The following ARHGAP31 variants were observed in gnomAD, a reference collection of about 807,000 sequenced individuals.
ARHGAP31 encodes the protein rho GTPase-activating protein 31.
Under a neutral mutation model 113.9 loss-of-function variants are expected in ARHGAP31, and 34 were observed. That is an observed-to-expected ratio of 0.30 (90% CI 0.23 to 0.40). The LOEUF is 0.40. Ranked by LOEUF, ARHGAP31 falls within the 10% of genes least tolerant of loss-of-function variation. The probability of loss-of-function intolerance (pLI) is 1.00; values close to 1 mark genes in which losing one functional copy is unlikely to be tolerated. For missense variants in ARHGAP31, 1,548 were observed against 1,767.1 expected, an observed-to-expected ratio of 0.88 and a Z score of 2.22; for synonymous variants, 650 against 684.8, an observed-to-expected ratio of 0.95 and a Z score of 0.79.
intron 1 of ARHGAP31, among the ~76,000 whole-genome samples, chr3:119,325,929 G>A (rs1161495299): frequency 1.3e-5 from 2 of 152,162 alleles, no homozygotes; most frequent in African/African-American, 2.4e-5. Flanking sequence ...GGTGGCTCAC[G>A]CCTGTAATCC....
At chr3:119,342,897 C>T (rs1373635310) in intron 1 of ARHGAP31, among the ~76,000 whole-genome samples, 1 of 151,162 alleles carries the variant, frequency 6.6e-6, no homozygotes, top group Non-Finnish European at 1.5e-5. Context: ...TGCAGTGAGC[C>T]GAGATTATAC....
chr3:119,390,821 C>G lies in ARHGAP31; in HGVS notation c.719C>G (p.Ala240Gly). The G allele has an allele frequency of 8.7e-6, 14 of 1,613,318 alleles. No individual in the cohort carries two copies. The highest frequency in any genetic ancestry group is 1.2e-5 in the Non-Finnish European group (14 of 1,180,038). Residue 240 changes from alanine to glycine, a missense_variant, in exon 7 of 12, where the codon GCC (alanine) becomes GGC (glycine). Physicochemically the swap from Ala to Gly is moderately conservative, Grantham distance 60 (BLOSUM62 0). Transcript: ENST00000264245. Reference sequence around the variant, plus strand: ...ATCATGAAGAGCCTGACCTTGCCAGCCCTCTCCCTGCCCATGAAGCTGGTG... The same window carrying G: ...ATCATGAAGAGCCTGACCTTGCCAGGCCTCTCCCTGCCCATGAAGCTGGTG... ...RPIMKSLTLP[A>G]LSLPMKLVSL...
intron 1 of ARHGAP31, among the ~76,000 whole-genome samples, chr3:119,341,522 A>G (rs1347581666): frequency 6.6e-6 from 1 of 152,204 alleles, no homozygotes; most frequent in Non-Finnish European, 1.5e-5. Flanking sequence ...TCAAGGTCAC[A>G]TAGCTTGTAA....
chr3:119,381,985 CAAAAAAAAAAAAAA>C (rs10719267), intron 4 of ARHGAP31, among the ~76,000 whole-genome samples: 1 of 62,100 alleles, frequency 1.6e-5, no homozygotes, highest in Non-Finnish European at 3.3e-5. Context: ...GACTCCGTCT[CAAAAAAAAAAAAAA>C]AAAAAAAAAG....
intron 1 of ARHGAP31, among the ~76,000 whole-genome samples, chr3:119,361,913 T>C (rs1455247398): frequency 6.6e-6 from 1 of 152,226 alleles, no homozygotes; most frequent in African/African-American, 2.4e-5. Context: ...ATTGGGACCA[T>C]GACCTCTTTC....
At chr3:119,413,052 C>T (rs916998836) in intron 11 of ARHGAP31, among the ~76,000 whole-genome samples, 3 of 151,816 alleles carry the variant, frequency 2.0e-5, no homozygotes, top group Admixed American at 1.3e-4. Context: ...CATGGTGGCT[C>T]ACACCTGTTA....
intron 1 of ARHGAP31, among the ~76,000 whole-genome samples, chr3:119,339,710 A>G (rs1180922212): frequency 1.3e-5 from 2 of 151,036 alleles, no homozygotes; most frequent in East Asian, 3.9e-4. Flanking sequence ...TGGAACAACT[A>G]GACATTCCTA....
rs115693289 is a variant in ARHGAP31, at chr3:119,404,871, G to A, written c.1645+2474G>A. Among the ~76,000 whole-genome samples, 937 of 152,304 alleles carry A rather than the reference G, an allele frequency of 6.2e-3. 9 individuals carry two copies. Among genetic ancestry groups the A allele is most frequent in the African/African-American group, 0.021 (860 of 41,564 alleles). On this transcript the variant is annotated intron_variant, in intron 10 of 11. Transcript: ENST00000264245. ...TTTACCTGATTCAAGAGCATGTCCTGCTAACCTCATCCTCAGCTGGTGGGG... is the reference window on the plus strand; with the variant it reads ...TTTACCTGATTCAAGAGCATGTCCTACTAACCTCATCCTCAGCTGGTGGGG...
At chr3:119,295,324 AC>A (rs1185817764) in intron 1 of ARHGAP31, among the ~76,000 whole-genome samples, 1 of 151,558 alleles carries the variant, frequency 6.6e-6, no homozygotes, top group Non-Finnish European at 1.5e-5. Flanking sequence ...CCAATCCTAA[AC>A]TTGGCACGTT....
At chr3:119,334,023 G>A (rs2079919059) in intron 1 of ARHGAP31, among the ~76,000 whole-genome samples, 1 of 152,146 alleles carries the variant, frequency 6.6e-6, no homozygotes, top group African/African-American at 2.4e-5. Flanking sequence ...AGAAGGATAT[G>A]ACCCAGATGT....
intron 1 of ARHGAP31, among the ~76,000 whole-genome samples, chr3:119,333,155 A>C (rs1460925546): frequency 6.6e-6 from 1 of 152,178 alleles, no homozygotes; most frequent in African/African-American, 2.4e-5. Context: ...ACTGGACCCA[A>C]ACAGCCCAAC....
Position 119,381,059 on chromosome 3 carries a change from T to C in ARHGAP31, c.431+73T>C, listed in dbSNP as rs2080392631. ...ATACCAAAGAGACAGGCTGGCATCA[T>C]GGAAAGGAAACAATGTGTGGACAGT... On this transcript the variant is annotated intron_variant, in intron 4 of 11. Transcript: ENST00000264245. The C allele has an allele frequency of 3.5e-6, 5 of 1,446,688 alleles. No homozygotes were observed. The South Asian group carries it at 5.8e-5, about 17-fold the overall frequency. 89.6% of individuals were successfully genotyped at this position (1,446,688 alleles called of 1,614,324 possible).
At chr3:119,346,233 C>A (rs949577777) in intron 1 of ARHGAP31, among the ~76,000 whole-genome samples, 23 of 152,232 alleles carry the variant, frequency 1.5e-4, no homozygotes, top group African/African-American at 4.8e-4. Flanking sequence ...TTTAAGCCTG[C>A]AACAATCTAC....
chr3:119,319,510 G>C (rs1211456749), intron 1 of ARHGAP31, among the ~76,000 whole-genome samples: 2 of 152,046 alleles, frequency 1.3e-5, no homozygotes, highest in African/African-American at 4.8e-5. Context: ...TCCATAAATT[G>C]CAGGATATCA....
intron 9 of ARHGAP31, 73 bp downstream of exon 9, chr3:119,399,334 T>A: frequency 8.0e-7 from 1 of 1,253,432 alleles, no homozygotes; most frequent in Non-Finnish European, 1.2e-6. Flanking sequence ...CTTTATAAGC[T>A]GTCATGCCTG....
chr3:119,348,061 A>G (rs897197614), intron 1 of ARHGAP31, among the ~76,000 whole-genome samples: 3 of 152,188 alleles, frequency 2.0e-5, no homozygotes, highest in African/African-American at 7.2e-5. Context: ...GCAGGAGGTG[A>G]CTGGCGGGCG....
At chr3:119,409,217 C>T (rs1182714531) in intron 10 of ARHGAP31, among the ~76,000 whole-genome samples, 1 of 152,142 alleles carries the variant, frequency 6.6e-6, no homozygotes, top group Admixed American at 6.5e-5. Flanking sequence ...TGCCAAATGT[C>T]CACTGGAAGA....
At chr3:119,331,831 C>T (rs1388200245) in intron 1 of ARHGAP31, among the ~76,000 whole-genome samples, 5 of 152,176 alleles carry the variant, frequency 3.3e-5, no homozygotes, top group Non-Finnish European at 5.9e-5. Context: ...CAGCCCAACC[C>T]AGTACAGGAA....
intron 1 of ARHGAP31, among the ~76,000 whole-genome samples, chr3:119,330,394 C>G (rs933955397): frequency 6.6e-6 from 1 of 152,114 alleles, no homozygotes; most frequent in African/African-American, 2.4e-5. Flanking sequence ...TCCCATGACC[C>G]GATGGTCTGT....
Sources: gnomAD v4.1 joint callset for allele counts (sites outside exome capture counted in the v4.1 genomes callset) on GRCh38, gnomAD v4.1.1 for gene constraint, MANE v1.5 for transcripts, NCBI Gene and HGNC (gene_info 2026-07-23, HGNC 2026-07-21) for gene names.